The following CUBN variants were observed in gnomAD, a reference collection of about 807,000 sequenced individuals.
CUBN encodes the protein 460 kDa receptor.
In CUBN, 282 loss-of-function variants were observed where a neutral mutation model predicts 405.3. That is an observed-to-expected ratio of 0.70 (90% CI 0.63 to 0.77). The LOEUF (loss-of-function observed/expected upper bound fraction) is 0.77, where lower values mean the gene tolerates loss of function less well. Ranked by LOEUF, CUBN falls within the 30% of genes least tolerant of loss-of-function variation. The pLI is 0.00. For synonymous variants in CUBN, 1,684 were observed against 1,617.0 expected (o/e 1.04, Z -0.99); for missense variants, 4,514 against 4,475.2 (o/e 1.01, Z -0.25).
intron 22 of CUBN, among the ~76,000 whole-genome samples, chr10:17,048,232 G>A (rs1318594360): frequency 1.3e-5 from 2 of 152,380 alleles, no homozygotes; most frequent in East Asian, 3.9e-4. Context: ...CTTAGCCCAT[G>A]ATATGCACTC....
intron 28 of CUBN, among the ~76,000 whole-genome samples, chr10:17,000,630 C>A (rs550077149): frequency 1.3e-5 from 2 of 152,272 alleles, no homozygotes; most frequent in African/African-American, 4.8e-5. Context: ...TATCATTTGA[C>A]CTTTTTTTGC....
At chr10:16,838,106 C>T (rs185443001) in intron 62 of CUBN, among the ~76,000 whole-genome samples, 10 of 152,314 alleles carry the variant, frequency 6.6e-5, no homozygotes, top group African/African-American at 1.9e-4. Context: ...GATAATCTAG[C>T]ATCTTGTCCA....
At chr10:16,924,130 A>T (rs1292254659) in intron 43 of CUBN, among the ~76,000 whole-genome samples, 3 of 152,136 alleles carry the variant, frequency 2.0e-5, no homozygotes, top group Admixed American at 1.3e-4. Context: ...GTTATGTAGG[A>T]TGGGTAGGAT....
intron 60 of CUBN, among the ~76,000 whole-genome samples, chr10:16,845,878 T>C (rs574822047): frequency 2.0e-5 from 3 of 152,206 alleles, no homozygotes; most frequent in African/African-American, 7.2e-5. Context: ...TACCACCCCA[T>C]AGGGAGTGTT....
chr10:16,933,216 T>C lies in CUBN; in HGVS notation c.5995A>G (p.Ser1999Gly), dbSNP rs1175859961. ...VFLFSPGWPDSYSNRVDCTWL... is the reference protein window; with the variant it reads ...VFLFSPGWPDGYSNRVDCTWL... ...GTACAGTCCACTCTATTACTGTAAC[T>C]GTCAGGCCAGCCCGGGGAGAAGAGA... is the stretch of plus-strand genomic sequence containing the variant. The change falls in exon 40 of 67, where the codon AGT becomes GGT. Residue 1999 changes from serine (S) to glycine (G), a missense_variant. Coordinates refer to ENST00000377833, the MANE Select transcript of CUBN (RefSeq NM_001081.4). 6.2e-7 allele frequency: 1 copy of C among 1,614,136 alleles called. No individual in the cohort carries two copies. The highest frequency in any genetic ancestry group is 2.2e-5 in the East Asian group (1 of 44,874).
intron 60 of CUBN, among the ~76,000 whole-genome samples, chr10:16,850,873 T>G (rs938028864): frequency 2.0e-5 from 3 of 152,216 alleles, no homozygotes; most frequent in Non-Finnish European, 4.4e-5. Flanking sequence ...AAGAGGTGAT[T>G]ATTTGTGTCA....
chr10:17,045,549 G>A (rs759425881), intron 24 of CUBN, among the ~76,000 whole-genome samples: 7 of 151,626 alleles, frequency 4.6e-5, no homozygotes, highest in Admixed American at 1.3e-4. Flanking sequence ...TAGTAGAGAC[G>A]GGGTTGGCCA....
intron 4 of CUBN, among the ~76,000 whole-genome samples, chr10:17,126,334 C>T (rs1837189965): frequency 1.3e-5 from 2 of 152,198 alleles, no homozygotes; most frequent in South Asian, 4.1e-4. Context: ...CAGCAAATGT[C>T]ATTTTAAGAA....
At chr10:16,955,240 G>A (rs1414950747) in intron 31 of CUBN, among the ~76,000 whole-genome samples, 3 of 151,922 alleles carry the variant, frequency 2.0e-5, no homozygotes, top group Non-Finnish European at 4.4e-5. Context: ...AGGTGTGGTG[G>A]TGTGCACCTG....
At position 16,952,334 on chromosome 10, in the gene CUBN, G is replaced by C; in HGVS notation, c.4911C>G (p.Phe1637Leu). The C allele has an allele frequency of 1.2e-6, 2 of 1,613,992 alleles. No homozygotes were observed. Among genetic ancestry groups the C allele is most frequent in the Non-Finnish European group, 1.7e-6 (2 of 1,179,946 alleles). The change falls in exon 33 of 67, where the codon TTC (phenylalanine) becomes TTG (leucine). Residue 1637 changes from phenylalanine (F) to leucine (L), a missense_variant. Around this residue, in one of 5 missense-constraint regions of CUBN, gnomAD observed 1,613 missense variants for 1,542.8 expected, o/e 1.05. Transcript: ENST00000377833. ...SSFDTVSSPR[F>L]PANYPNNQNC... ...TCTGATTGTTTGGATAATTGGCAGG[G>C]AACCGTGGAGAGGAAACAGTATCAA...
chr10:16,910,803 A>G (rs754488319), intron 48 of CUBN, among the ~76,000 whole-genome samples: 1 of 151,646 alleles, frequency 6.6e-6, no homozygotes, highest in Non-Finnish European at 1.5e-5. Flanking sequence ...ATATTTAAAT[A>G]TATACTTTTC....
chr10:16,928,853 A>T (rs1320768577), intron 40 of CUBN, among the ~76,000 whole-genome samples: 1 of 152,016 alleles, frequency 6.6e-6, no homozygotes, highest in Non-Finnish European at 1.5e-5. Flanking sequence ...CCGTCTTTCT[A>T]AAAACTGGCT....
At chr10:17,040,048 C>T (rs1220734982) in intron 27 of CUBN, among the ~76,000 whole-genome samples, 1 of 152,138 alleles carries the variant, frequency 6.6e-6, no homozygotes, top group Non-Finnish European at 1.5e-5. Context: ...CAATTAAGAA[C>T]ATTTTACAAG....
intron 64 of CUBN, among the ~76,000 whole-genome samples, chr10:16,831,918 T>C (rs764683763): frequency 1.3e-5 from 2 of 152,140 alleles, no homozygotes; most frequent in Non-Finnish European, 2.9e-5. Flanking sequence ...AAAAATACAA[T>C]GCAAAGTATA....
chr10:16,835,974 T>G (rs1208946428), intron 63 of CUBN, among the ~76,000 whole-genome samples: 1 of 152,220 alleles, frequency 6.6e-6, no homozygotes, highest in African/African-American at 2.4e-5. Context: ...GGCATATTTT[T>G]AAAATCAACT....
chr10:17,068,081 A>T lies in CUBN; in HGVS notation c.2991T>A (p.Ser997=). Residue 997 remains serine (S), a synonymous_variant, in exon 21 of 67, where the codon TCT becomes TCA. Transcript: ENST00000377833. The part of the protein sequence containing the change: ...NDYLEVYDTD[S]ETSLGRYCGK... ...AACCTTACCTTCCAAGGGATGTCTC[A>T]GAGTCGGTGTCATAAACTTCCAAGT... 1.9e-6 allele frequency: 3 copies of T among 1,612,066 alleles called. No individual in the cohort carries two copies. Among genetic ancestry groups the T allele is most frequent in the Non-Finnish European group, 1.7e-6 (2 of 1,178,230 alleles).
chr10:16,991,776 C>G (rs1219380655), intron 28 of CUBN, among the ~76,000 whole-genome samples: 1 of 152,024 alleles, frequency 6.6e-6, no homozygotes, highest in African/African-American at 2.4e-5. Context: ...AATAGGAACA[C>G]TTTTACACTG....
intron 47 of CUBN, among the ~76,000 whole-genome samples, chr10:16,914,779 G>A (rs968803620): frequency 6.6e-6 from 1 of 152,086 alleles, no homozygotes; most frequent in African/African-American, 2.4e-5. Flanking sequence ...AGTAACTACA[G>A]GACTCTCTTA....
intron 8 of CUBN, among the ~76,000 whole-genome samples, chr10:17,112,718 C>G (rs1304526946): frequency 6.6e-6 from 1 of 151,840 alleles, no homozygotes; most frequent in East Asian, 1.9e-4. Context: ...CAGAAAACCA[C>G]TAAACCAAAA....
Sources: gnomAD v4.1 joint callset for allele counts (sites outside exome capture counted in the v4.1 genomes callset) on GRCh38, gnomAD v4.1.1 for gene constraint, gnomAD v4.1.1 regional missense constraint, MANE v1.5 for transcripts, NCBI Gene and HGNC (gene_info 2026-07-23, HGNC 2026-07-21) for gene names.